Variants in CENPP observed in about 807,000 individuals in gnomAD.
The protein encoded by CENPP is centromere protein P.
A neutral mutation model predicts 35.6 loss-of-function variants in CENPP; 24 were observed. That is an observed-to-expected ratio of 0.67 (90% confidence interval 0.49 to 0.95). The LOEUF (loss-of-function observed/expected upper bound fraction) is 0.95. Ranked by LOEUF, CENPP falls within the 40% of genes least tolerant of loss-of-function variation. The probability of loss-of-function intolerance (pLI) is 0.00; values close to 1 mark genes in which losing one functional copy is unlikely to be tolerated. For missense variants in CENPP, 332 were observed against 345.3 expected (o/e 0.96, Z 0.31); for synonymous variants, 120 against 125.5 (o/e 0.96, Z 0.29).
At chr9:92,494,566 T>C (rs1846265404) in intron 5 of CENPP, among the ~76,000 whole-genome samples, 1 of 152,226 alleles carries the variant, frequency 6.6e-6, no homozygotes, top group South Asian at 2.1e-4. Context: ...GTTCATGTTA[T>C]AATCTCTGAA....
At chr9:92,435,536 C>T (rs1844226486) in intron 5 of CENPP, among the ~76,000 whole-genome samples, 1 of 152,196 alleles carries the variant, frequency 6.6e-6, no homozygotes, top group East Asian at 1.9e-4. Context: ...AAGAGTTTCA[C>T]ATGTTGCCCT....
At chr9:92,382,972 C>T (rs1842297394) in intron 5 of CENPP, among the ~76,000 whole-genome samples, 1 of 141,364 alleles carries the variant, frequency 7.1e-6, no homozygotes, top group South Asian at 2.4e-4. Context: ...GATCTTGGCT[C>T]ACTGCAACCT....
At chr9:92,564,398 A>T (rs762997217) in intron 5 of CENPP, among the ~76,000 whole-genome samples, 2 of 152,168 alleles carry the variant, frequency 1.3e-5, no homozygotes, top group Non-Finnish European at 2.9e-5. Context: ...CAAAAAAAAA[A>T]AATAAAATAA....
At chr9:92,358,893 A>G (rs1312624513) in intron 4 of CENPP, among the ~76,000 whole-genome samples, 1 of 126,876 alleles carries the variant, frequency 7.9e-6, no homozygotes, top group Non-Finnish European at 1.7e-5. Context: ...CTGTCTATTC[A>G]TTTATTTTTT....
rs755948443 is a variant in CENPP, at chr9:92,515,062, T to C, written c.565-96252T>C. On this transcript the variant is annotated intron_variant, in intron 5 of 7. Coordinates refer to ENST00000375587, the MANE Select transcript of CENPP (RefSeq NM_001012267.3). ...ATCCTCCTCAGATTGAAGTGCTTCT[T>C]TTCTTACTATTCGGTCCATTCCCAC... is the stretch of plus-strand genomic sequence containing the variant. 1.6e-5 allele frequency: 26 copies of C among 1,614,176 alleles called. No individual in the cohort carries two copies. The highest frequency in any genetic ancestry group is 2.2e-5 in the Non-Finnish European group (26 of 1,180,036).
intron 5 of CENPP, among the ~76,000 whole-genome samples, chr9:92,565,766 A>C (rs1849953064): frequency 6.6e-6 from 1 of 152,220 alleles, no homozygotes; most frequent in African/African-American, 2.4e-5. Context: ...AACTGCATAT[A>C]CAGGGACAAT....
intron 5 of CENPP, among the ~76,000 whole-genome samples, chr9:92,552,101 C>A (rs553588496): frequency 3.0e-5 from 4 of 132,590 alleles, no homozygotes; most frequent in South Asian, 2.4e-4. Flanking sequence ...TATGATAGAT[C>A]TATCATATAT....
intron 4 of CENPP, among the ~76,000 whole-genome samples, chr9:92,362,257 A>G (rs752200021): frequency 2.6e-5 from 4 of 152,096 alleles, no homozygotes; most frequent in Non-Finnish European, 4.4e-5. Context: ...GTGCATGCCT[A>G]TAGTTCTAGC....
chr9:92,533,099 C>T (rs1354697080), intron 5 of CENPP, among the ~76,000 whole-genome samples: 1 of 151,126 alleles, frequency 6.6e-6, no homozygotes, highest in Admixed American at 6.6e-5. Flanking sequence ...GAGTTTGAGA[C>T]CAGCCTGGCC....
chr9:92,617,845 G>A lies in CENPP; in HGVS notation c.*4696G>A, dbSNP rs565644784. On this transcript the variant is annotated 3_prime_UTR_variant, in exon 8 of 8. Coordinates refer to ENST00000375587, the MANE Select transcript of CENPP (RefSeq NM_001012267.3). ...TCCCAAAGGGACAAAGCTCTGCAGC[G>A]ACAGGAAGGCAGATCCAACTTGAGA... 7.4e-4 allele frequency: 153 copies of A among 207,448 alleles called. 1 individual carries two copies. Among genetic ancestry groups the A allele is most frequent in the Non-Finnish European group, 1.0e-3 (106 of 101,526 alleles). 12.9% of individuals were successfully genotyped at this position (207,448 alleles called of 1,614,324 possible).
At chr9:92,343,992 A>G (rs1004593127) in intron 3 of CENPP, among the ~76,000 whole-genome samples, 3 of 150,498 alleles carry the variant, frequency 2.0e-5, no homozygotes, top group African/African-American at 7.3e-5. Flanking sequence ...AAAAAGGACC[A>G]ACTTAATGGC....
At chr9:92,361,772 G>C (rs996199769) in intron 4 of CENPP, among the ~76,000 whole-genome samples, 1 of 152,192 alleles carries the variant, frequency 6.6e-6, no homozygotes, top group Non-Finnish European at 1.5e-5. Context: ...ATGAGCCACT[G>C]CACCCGGCTC....
chr9:92,493,872 G>A (rs1483291215), intron 5 of CENPP: 1 of 349,554 alleles, frequency 2.9e-6, no homozygotes, highest in East Asian at 4.3e-5. Context: ...TGCAGCCAGA[G>A]CAGAGTTGAG....
chr9:92,618,846 T>C lies in CENPP; in HGVS notation c.*5697T>C. ...GTCATCTTGACCCAGGAACACATGT[T>C]AGAAGAATGTGGAACATTCCGCAAA... is the stretch of plus-strand genomic sequence containing the variant. On this transcript the variant is annotated 3_prime_UTR_variant, in exon 8 of 8. Transcript: ENST00000375587. 1 of 351,022 alleles carries C rather than the reference T, an allele frequency of 2.8e-6. No individual in the cohort carries two copies. The highest frequency in any genetic ancestry group is 5.6e-6 in the Non-Finnish European group (1 of 178,798). The allele number at this position is 351,022 out of a possible 1,614,324, so 21.7% of individuals were successfully genotyped here. A position where few individuals can be genotyped will look rare whatever the true frequency, so the allele number is the denominator to read the frequency against.
intron 5 of CENPP, among the ~76,000 whole-genome samples, chr9:92,577,168 G>GGT (rs1412629324): frequency 1.3e-5 from 2 of 152,054 alleles, no homozygotes; most frequent in Non-Finnish European, 2.9e-5. Context: ...CATATCCCTA[G>GGT]GTGTGTGTGT....
intron 5 of CENPP, among the ~76,000 whole-genome samples, chr9:92,469,236 G>A (rs1845422300): frequency 6.6e-6 from 1 of 152,194 alleles, no homozygotes; most frequent in South Asian, 2.1e-4. Context: ...TGCTCTTCTA[G>A]TTGCTCTTTT....
chr9:92,477,094 T>C (rs143903433), intron 5 of CENPP, among the ~76,000 whole-genome samples: 155 of 152,304 alleles, frequency 1.0e-3, no homozygotes, highest in African/African-American at 3.4e-3. Flanking sequence ...GTTCAGTGGC[T>C]TCTTTTGGAG....
intron 5 of CENPP, among the ~76,000 whole-genome samples, chr9:92,539,729 G>T (rs1849273534): frequency 6.6e-6 from 1 of 152,258 alleles, no homozygotes; most frequent in East Asian, 1.9e-4. Flanking sequence ...TGCCTTTTAA[G>T]CTATACTAAA....
intron 5 of CENPP, among the ~76,000 whole-genome samples, chr9:92,429,625 A>T (rs1013724237): frequency 2.0e-5 from 3 of 152,200 alleles, no homozygotes; most frequent in Admixed American, 1.3e-4. Flanking sequence ...TGTCTGTACT[A>T]AAAATACAAA....
Sources: allele counts gnomAD v4.1 joint callset (sites outside exome capture counted in the v4.1 genomes callset), GRCh38; gene constraint gnomAD v4.1.1; transcripts MANE v1.5; gene names NCBI Gene and HGNC (gene_info 2026-07-23, HGNC 2026-07-21).